TMEM232: variants seen among roughly 807,000 people sequenced by gnomAD.
TMEM232 encodes the protein transmembrane protein 232.
In TMEM232, 80 loss-of-function variants were observed where a neutral mutation model predicts 78.8. The ratio of observed to expected loss-of-function variants is 1.01; its 90% CI spans 0.85 to 1.22. The LOEUF is 1.22. Ranked by LOEUF, TMEM232 falls within the 50% of genes most tolerant of loss-of-function variation. The pLI is 0.00. For missense variants in TMEM232, 881 were observed against 742.2 expected, an observed-to-expected ratio of 1.19 and a Z score of -2.17; for synonymous variants, 297 against 254.3, an observed-to-expected ratio of 1.17 and a Z score of -1.60.
At chr5:110,712,774 T>A (rs544210953) in intron 1 of TMEM232, among the ~76,000 whole-genome samples, 90 of 152,158 alleles carry the variant, frequency 5.9e-4, no homozygotes, top group South Asian at 3.7e-3. Flanking sequence ...CTGGAGAGAA[T>A]GTGGAGAAAA....
At chr5:110,618,774 T>C (rs926630096) in intron 7 of TMEM232, among the ~76,000 whole-genome samples, 7 of 152,174 alleles carry the variant, frequency 4.6e-5, no homozygotes, top group African/African-American at 4.8e-5. Flanking sequence ...ATTTTTCACA[T>C]GGGTCTCTTG....
chr5:110,658,865 A>G (rs563309826), intron 2 of TMEM232, among the ~76,000 whole-genome samples: 2 of 152,324 alleles, frequency 1.3e-5, no homozygotes, highest in Admixed American at 1.3e-4. Flanking sequence ...TGAAAAGAAA[A>G]GTAAATTAGT....
exon 4 of TMEM232, chr5:110,390,619 T>A (rs1755140032): frequency 1.3e-5 from 2 of 152,176 alleles, no homozygotes; most frequent in Admixed American, 1.3e-4. Context: ...GTAATTGAAA[T>A]ATTCTCTTGT....
intron 12 of TMEM232, among the ~76,000 whole-genome samples, chr5:110,500,374 G>C (rs1013996108): frequency 1.1e-4 from 17 of 149,580 alleles, no homozygotes; most frequent in African/African-American, 3.7e-4. Flanking sequence ...CCTCTAATAA[G>C]AATGGAATTA....
At chr5:110,405,697 A>G (rs1755764653) in intron 2 of TMEM232, among the ~76,000 whole-genome samples, 1 of 150,954 alleles carries the variant, frequency 6.6e-6, no homozygotes, top group Non-Finnish European at 1.5e-5. Context: ...TCAAAGATGG[A>G]TCAATATAAA....
At chr5:110,533,083 A>G (rs1429460223) in intron 11 of TMEM232, among the ~76,000 whole-genome samples, 2 of 152,128 alleles carry the variant, frequency 1.3e-5, no homozygotes, top group African/African-American at 4.8e-5. Flanking sequence ...TTCCGTTCTT[A>G]ATCTTAAAGA....
chr5:110,620,637 CT>C (rs1287974484), intron 7 of TMEM232, among the ~76,000 whole-genome samples: 19 of 119,882 alleles, frequency 1.6e-4, no homozygotes, highest in African/African-American at 6.4e-4. Flanking sequence ...CTCTCTCTCT[CT>C]CCTCTCTCCT....
At chr5:110,663,124 T>A (rs1011182858) in intron 2 of TMEM232, among the ~76,000 whole-genome samples, 11 of 151,924 alleles carry the variant, frequency 7.2e-5, no homozygotes, top group Admixed American at 6.6e-5. Flanking sequence ...AAATTGAAAA[T>A]AATTGAAATG....
intron 11 of TMEM232, among the ~76,000 whole-genome samples, chr5:110,554,232 C>G (rs995929874): frequency 6.6e-6 from 1 of 152,096 alleles, no homozygotes; most frequent in Non-Finnish European, 1.5e-5. Context: ...GCTGCCAACA[C>G]GGCTAGAATA....
chr5:110,394,254 T>G (rs2112560389), intron 3 of TMEM232, among the ~76,000 whole-genome samples: 1 of 152,316 alleles, frequency 6.6e-6, no homozygotes, highest in East Asian at 1.9e-4. Flanking sequence ...AACCTCCAAT[T>G]GCATCTATGC....
intron 11 of TMEM232, among the ~76,000 whole-genome samples, chr5:110,557,504 G>C (rs1041794027): frequency 1.3e-5 from 2 of 152,140 alleles, no homozygotes; most frequent in African/African-American, 4.8e-5. Flanking sequence ...AATTTATAAG[G>C]AAAAGAGGTT....
intron 7 of TMEM232, among the ~76,000 whole-genome samples, chr5:110,621,911 CCA>C (rs1783800435): frequency 6.6e-6 from 1 of 152,086 alleles, no homozygotes; most frequent in South Asian, 2.1e-4. Context: ...GATAACAACA[CCA>C]GTTTAGATTT....
At chr5:110,490,120 AAAAAGAAAGAAAGAAAG>A (rs1297902814) in intron 12 of TMEM232, among the ~76,000 whole-genome samples, 105 of 141,430 alleles carry the variant, frequency 7.4e-4, no homozygotes, top group African/African-American at 2.8e-3. Context: ...ACTCCGTTTC[AAAAAGAAAGAAAGAAAG>A]AAAGAAAGAA....
chr5:110,485,777 TGC>T (rs1764393485), intron 12 of TMEM232, among the ~76,000 whole-genome samples: 2 of 152,316 alleles, frequency 1.3e-5, no homozygotes, highest in South Asian at 4.1e-4. Flanking sequence ...GCTATAAATA[TGC>T]GTGTGCAAGT....
At chr5:110,544,587 G>C (rs1467538558) in intron 11 of TMEM232, among the ~76,000 whole-genome samples, 1 of 152,080 alleles carries the variant, frequency 6.6e-6, no homozygotes, top group Non-Finnish European at 1.5e-5. Flanking sequence ...AACCATTGCA[G>C]CAGTTTGCTA....
chr5:110,421,081 G>A (rs78896671), intron 13 of TMEM232, among the ~76,000 whole-genome samples: 14 of 151,678 alleles, frequency 9.2e-5, no homozygotes, highest in African/African-American at 3.4e-4. Context: ...GACAGCATGG[G>A]TTATAAAATG....
chr5:110,523,298 G>A (rs1049956905), intron 12 of TMEM232, among the ~76,000 whole-genome samples: 6 of 151,454 alleles, frequency 4.0e-5, no homozygotes, highest in African/African-American at 1.2e-4. Context: ...CCTTTTCTTA[G>A]AATACCAAGA....
At chr5:110,462,719 TC>T (rs1274557678) in intron 12 of TMEM232, among the ~76,000 whole-genome samples, 2 of 152,154 alleles carry the variant, frequency 1.3e-5, no homozygotes, top group Non-Finnish European at 2.9e-5. Context: ...GAGTCAATAC[TC>T]CTGAATAAAC....
rs139849547 is a variant in TMEM232, at chr5:110,667,335, G to A, written c.18C>T (p.Asn6=). 30 of 1,523,316 alleles carry A rather than the reference G, an allele frequency of 2.0e-5. No individual in the cohort carries two copies. The highest frequency in any genetic ancestry group is 1.8e-5 in the Non-Finnish European group (20 of 1,130,176). 94.4% of individuals were successfully genotyped at this position (1,523,316 alleles called of 1,614,324 possible). MNMPV[N]KSPMINTCGG... ...CACATGTATTAATCATAGGTGATTT[G>A]TTAACAGGCATATTCATAAATCATA... The change falls in exon 2 of 14, where the codon AAC becomes AAT. Residue 6 remains asparagine (N), a synonymous_variant. Transcript: ENST00000455884.
Sources: allele counts gnomAD v4.1 joint callset (sites outside exome capture counted in the v4.1 genomes callset), GRCh38; gene constraint gnomAD v4.1.1; transcripts MANE v1.5; gene names NCBI Gene and HGNC (gene_info 2026-07-23, HGNC 2026-07-21).